HPSE2: variants seen among roughly 807,000 people sequenced by gnomAD.
HPSE2 encodes heparanase 2 (inactive).
A neutral mutation model predicts 60.5 loss-of-function variants in HPSE2; 38 were observed. The observed-to-expected ratio is 0.63, with a 90% CI of 0.48 to 0.82. The LOEUF (loss-of-function observed/expected upper bound fraction) is 0.82. Ranked by LOEUF, HPSE2 falls within the 40% of genes least tolerant of loss-of-function variation. HPSE2 has a pLI of 0.00. For missense variants in HPSE2, 713 were observed against 740.4 expected, an observed-to-expected ratio of 0.96 and a Z score of 0.43; for synonymous variants, 295 against 293.2, an observed-to-expected ratio of 1.01 and a Z score of -0.06.
chr10:98,604,638 C>T (rs538211087), intron 9 of HPSE2, among the ~76,000 whole-genome samples: 1 of 152,296 alleles, frequency 6.6e-6, no homozygotes, highest in South Asian at 2.1e-4. Flanking sequence ...GTCGTAAGTA[C>T]TATAACAGGG....
chr10:98,583,422 T>A (rs2133926439), intron 9 of HPSE2, among the ~76,000 whole-genome samples: 1 of 152,334 alleles, frequency 6.6e-6, no homozygotes, highest in Admixed American at 6.5e-5. Context: ...TTTGTCCAAT[T>A]CTTTGTTCAA....
At chr10:99,105,445 TGTGA>T (rs1362212243) in intron 3 of HPSE2, among the ~76,000 whole-genome samples, 4 of 152,138 alleles carry the variant, frequency 2.6e-5, no homozygotes, top group Admixed American at 6.6e-5. Context: ...TTTTTTTCTC[TGTGA>T]GTGTTTTCTG....
At chr10:98,712,597 C>A (rs1003792383) in intron 5 of HPSE2, among the ~76,000 whole-genome samples, 1 of 152,046 alleles carries the variant, frequency 6.6e-6, no homozygotes, top group Non-Finnish European at 1.5e-5. Flanking sequence ...GGCAATTTTT[C>A]TATTTGTGCT....
At chr10:98,724,621 A>C (rs961099846) in intron 4 of HPSE2, among the ~76,000 whole-genome samples, 10 of 152,244 alleles carry the variant, frequency 6.6e-5, no homozygotes, top group East Asian at 1.9e-4. Context: ...GTAGGTCACT[A>C]AGGACTTGCT....
At chr10:99,136,173 C>T (rs992016218) in intron 3 of HPSE2, among the ~76,000 whole-genome samples, 3 of 152,156 alleles carry the variant, frequency 2.0e-5, no homozygotes, top group Non-Finnish European at 4.4e-5. Context: ...CATACACCCT[C>T]CCAAGTCTAA....
chr10:98,993,970 A>G (rs1573023), intron 3 of HPSE2, among the ~76,000 whole-genome samples: 115,971 of 152,156 alleles, frequency 0.76, 44,524 homozygotes, highest in East Asian at 0.86. Context: ...GATGACATCC[A>G]GAACAGTATT....
chr10:98,623,871 T>C (rs1402921404), intron 7 of HPSE2, among the ~76,000 whole-genome samples: 1 of 150,096 alleles, frequency 6.7e-6, no homozygotes, highest in Non-Finnish European at 1.5e-5. Flanking sequence ...CAGCTCAGAG[T>C]TGGTCATCTC....
intron 6 of HPSE2, among the ~76,000 whole-genome samples, chr10:98,647,583 A>G (rs1057484146): frequency 6.6e-6 from 1 of 152,198 alleles, no homozygotes; most frequent in Non-Finnish European, 1.5e-5. Flanking sequence ...TTGGATAATC[A>G]TTAGAAAAAC....
At chr10:98,890,591 C>G (rs1953306582) in intron 3 of HPSE2, among the ~76,000 whole-genome samples, 1 of 151,818 alleles carries the variant, frequency 6.6e-6, no homozygotes, top group Non-Finnish European at 1.5e-5. Flanking sequence ...TCAAGATTAG[C>G]ATGGTATTGT....
intron 3 of HPSE2, among the ~76,000 whole-genome samples, chr10:98,970,226 G>C (rs1955917247): frequency 6.6e-6 from 1 of 152,076 alleles, no homozygotes; most frequent in Non-Finnish European, 1.5e-5. Flanking sequence ...GCCTCCCAAA[G>C]TGCTGGGCTT....
intron 2 of HPSE2, among the ~76,000 whole-genome samples, chr10:99,209,847 G>A (rs545548454): frequency 1.3e-5 from 2 of 152,136 alleles, no homozygotes; most frequent in Admixed American, 6.5e-5. Flanking sequence ...ATGCCACCAC[G>A]CCTGGCTAAT....
At chr10:99,277,636 T>C in the HPSE2 span, among the ~76,000 whole-genome samples, 1 of 152,246 alleles carries the variant, frequency 6.6e-6, no homozygotes, top group Non-Finnish European at 1.5e-5. Flanking sequence ...GTAGCATTTC[T>C]ATTTAATATT....
the HPSE2 span, among the ~76,000 whole-genome samples, chr10:99,313,891 G>A: frequency 1.8e-4 from 27 of 151,974 alleles, no homozygotes; most frequent in East Asian, 1.9e-3. Context: ...GAGTCACCGC[G>A]CCCAGCTGAT....
At chr10:99,182,826 C>A (rs1847827561) in intron 2 of HPSE2, among the ~76,000 whole-genome samples, 1 of 151,944 alleles carries the variant, frequency 6.6e-6, no homozygotes, top group Non-Finnish European at 1.5e-5. Flanking sequence ...GAAACCCTGT[C>A]TCTACTAAAA....
At chr10:99,152,873 G>GGCGCGGGTCAGTGGGTGC (rs1846333113) in intron 2 of HPSE2, among the ~76,000 whole-genome samples, 1 of 152,208 alleles carries the variant, frequency 6.6e-6, no homozygotes, top group South Asian at 2.1e-4. Context: ...CCAGACAGTG[G>GGCGCGGGTCAGTGGGTGC]GCGCGGGTCA....
At chr10:99,260,663 T>C in the HPSE2 span, among the ~76,000 whole-genome samples, 1 of 152,196 alleles carries the variant, frequency 6.6e-6, no homozygotes, top group African/African-American at 2.4e-5. Flanking sequence ...CTTCCCTTGG[T>C]GTTTAATCAC....
rs528600794 is a variant in HPSE2, at chr10:98,716,821, G to A, written c.956+4836C>T. Among the ~76,000 whole-genome samples the A allele has an allele frequency of 2.0e-5, 3 of 152,090 alleles. No homozygotes were observed. The South Asian group carries it at 6.2e-4, about 32-fold the overall frequency. On this transcript the variant is annotated intron_variant, in intron 5 of 11. Coordinates refer to ENST00000370552, the MANE Select transcript of HPSE2 (RefSeq NM_021828.5). ...ATTTTGAAAGGAATCTTTTTTTCCT[G>A]AGCAGTAGGTCTCAGTAGTGGGTGT...
chr10:99,175,060 G>A (rs1000541055), intron 2 of HPSE2, among the ~76,000 whole-genome samples: 7 of 152,116 alleles, frequency 4.6e-5, no homozygotes, highest in Admixed American at 6.5e-5. Flanking sequence ...GGACTGTGCC[G>A]TGAGGAACAG....
intron 3 of HPSE2, among the ~76,000 whole-genome samples, chr10:98,776,650 A>G (rs1270327488): frequency 1.3e-5 from 2 of 152,196 alleles, no homozygotes; most frequent in East Asian, 3.8e-4. Flanking sequence ...TAATTAGGGA[A>G]ACGAGTCTAG....
Sources: allele counts gnomAD v4.1 joint callset (sites outside exome capture counted in the v4.1 genomes callset), GRCh38; gene constraint gnomAD v4.1.1; transcripts MANE v1.5; gene names NCBI Gene and HGNC (gene_info 2026-07-23, HGNC 2026-07-21).